COQ5: variants seen among roughly 807,000 people sequenced by gnomAD.
COQ5 encodes the protein 2-methoxy-6-polyprenyl-1,4-benzoquinol methylase, mitochondrial.
COQ5 carries 27 observed loss-of-function variants against 40.5 expected under a neutral mutation model. The ratio of observed to expected loss-of-function variants is 0.67; its 90% CI spans 0.49 to 0.92. COQ5 has a LOEUF of 0.92. Ranked by LOEUF, COQ5 falls within the 40% of genes least tolerant of loss-of-function variation. The probability of loss-of-function intolerance (pLI) is 0.00; values close to 1 mark genes in which losing one functional copy is unlikely to be tolerated. For missense variants in COQ5, 409 were observed against 406.4 expected, an observed-to-expected ratio of 1.01 and a Z score of -0.06; for synonymous variants, 141 against 150.0, an observed-to-expected ratio of 0.94 and a Z score of 0.44.
chr12:120,504,624 A>G, intron 5 of COQ5: 1 of 432,040 alleles, frequency 2.3e-6, no homozygotes, highest in Non-Finnish European at 4.3e-6. Context: ...TATTGCCACT[A>G]ATAAGTTCTG....
intron 2 of COQ5, 64 bp downstream of exon 2, chr12:120,522,144 TCATTAC>T: frequency 1.3e-6 from 2 of 1,527,102 alleles, no homozygotes; most frequent in African/African-American, 2.7e-5. Flanking sequence ...GTGAGCTAGC[TCATTAC>T]AAGAGAGACT....
rs143506842 is a variant in COQ5 at position 120,503,982 on chromosome 12, C to T, written c.870G>A (p.Arg290=). The change falls in exon 6 of 7, where the codon AGG becomes AGA. Residue 290 remains arginine (R), a synonymous_variant. Transcript: ENST00000288532. ...AGAAGTTTCATACCTGAGACGGAAACCTTCGGATACTCTCTACAAGGTACT... is the reference window on the plus strand; with the variant it reads ...AGAAGTTTCATACCTGAGACGGAAATCTTCGGATACTCTCTACAAGGTACT... The part of the protein sequence containing the change: ...SYQYLVESIR[R]FPSQEEFKDM... 1.5e-4 allele frequency: 243 copies of T among 1,612,088 alleles called. 1 individual carries two copies. The African/African-American group carries it at 2.9e-3, about 19-fold the overall frequency.
intron 3 of COQ5, among the ~76,000 whole-genome samples, chr12:120,515,954 C>G (rs1452588972): frequency 1.3e-5 from 2 of 152,064 alleles, no homozygotes; most frequent in African/African-American, 2.4e-5. Context: ...GACAGGGTCT[C>G]ACTCTGTCAC....
intron 1 of COQ5, chr12:120,523,472 TC>T: frequency 6.4e-6 from 2 of 310,820 alleles, no homozygotes; most frequent in Admixed American, 3.7e-5. Context: ...CACAGCCTGC[TC>T]CCCGCTGCTG....
At chr12:120,526,169 G>A (rs1321059593) in intron 1 of COQ5, among the ~76,000 whole-genome samples, 2 of 152,142 alleles carry the variant, frequency 1.3e-5, no homozygotes, top group Non-Finnish European at 2.9e-5. Flanking sequence ...TTCTTTCCCA[G>A]ACTTTAGGTG....
chr12:120,504,851 C>T, intron 5 of COQ5, 44 bp downstream of exon 5: 1 of 1,526,836 alleles, frequency 6.5e-7, no homozygotes, highest in Non-Finnish European at 9.1e-7. Flanking sequence ...GGGTGGGAAA[C>T]CTTGGCTATA....
rs996452294 is a variant in COQ5 at position 120,525,792 on chromosome 12, G to A, written c.202+3148C>T. ...ACAAAAAAACTAGCTGGGCGTGGTG[G>A]TGGGCGCCTGTAGTCCCAGCTACTC... On this transcript the variant is annotated intron_variant, in intron 1 of 6. Transcript: ENST00000288532. Among the ~76,000 whole-genome samples the A allele has an allele frequency of 7.2e-5, 11 of 152,056 alleles. 1 individual carries two copies. Among genetic ancestry groups the A allele is most frequent in the South Asian group, 2.1e-4 (1 of 4,812 alleles).
chr12:120,508,035 C>T (rs1308967506), intron 4 of COQ5, among the ~76,000 whole-genome samples: 3 of 152,116 alleles, frequency 2.0e-5, no homozygotes, highest in Non-Finnish European at 2.9e-5. Flanking sequence ...CTCACTCTGT[C>T]GCCCAGGCGG....
At chr12:120,518,356 G>C (rs928394808) in intron 2 of COQ5, among the ~76,000 whole-genome samples, 6 of 151,370 alleles carry the variant, frequency 4.0e-5, no homozygotes, top group Non-Finnish European at 8.8e-5. Flanking sequence ...TGAGGCCTGG[G>C]GGGTGGAGGT....
At chr12:120,521,554 T>C (rs1565933029) in intron 2 of COQ5, among the ~76,000 whole-genome samples, 1 of 151,772 alleles carries the variant, frequency 6.6e-6, no homozygotes, top group Non-Finnish European at 1.5e-5. Flanking sequence ...TGCATGCCTA[T>C]AATCCCAGCT....
intron 4 of COQ5, among the ~76,000 whole-genome samples, chr12:120,509,590 T>C (rs1289323031): frequency 6.6e-6 from 1 of 152,140 alleles, no homozygotes; most frequent in African/African-American, 2.4e-5. Context: ...AAGATGTGAA[T>C]ACCAATCCAA....
In COQ5 at chr12:120,503,696, T is replaced by A; in HGVS notation, c.*88A>T. The A allele has an allele frequency of 1.1e-6, 1 of 917,428 alleles. No homozygotes were observed. The allele number at this position is 917,428 out of a possible 1,614,324, so 56.8% of individuals were successfully genotyped here. ...GGCACGTATCCTTAAGAGGAGATGCTCTGCTGCTGTCTCATTTGCCAGATT... is the reference window on the plus strand; with the variant it reads ...GGCACGTATCCTTAAGAGGAGATGCACTGCTGCTGTCTCATTTGCCAGATT... On this transcript the variant is annotated 3_prime_UTR_variant, in exon 7 of 7. Transcript: ENST00000288532.
In COQ5 at chr12:120,516,681, CTT is replaced by C. The variant is rs772803521; in HGVS notation, c.458_459del (p.Lys153ArgfsTer5). On this transcript the variant is annotated frameshift_variant, in exon 3 of 7. Coordinates refer to ENST00000288532, the MANE Select transcript of COQ5 (RefSeq NM_032314.4). LOFTEE classifies it high-confidence loss of function. Reference sequence around the variant, plus strand: ...AAGGAATCTTCTTCATTCTGGTACTCTTTGGCAATTTCTTCCCAGGATAAATT... The same window carrying C: ...AAGGAATCTTCTTCATTCTGGTACTCTGGCAATTTCTTCCCAGGATAAATT... ...QQNLSWEEIA[K>X]EYQNEEDSLG... 6.2e-7 allele frequency: 1 copy of C among 1,614,174 alleles called. No individual in the cohort carries two copies. The highest frequency in any genetic ancestry group is 2.2e-5 in the East Asian group (1 of 44,892).
chr12:120,522,150 C>T (rs1869691861), intron 2 of COQ5, 64 bp downstream of exon 2: 2 of 1,574,032 alleles, frequency 1.3e-6, no homozygotes, highest in East Asian at 2.2e-5. Flanking sequence ...TAGCTCATTA[C>T]AAGAGAGACT....
rs61584250 is a variant in COQ5, at chr12:120,526,698, A to ATTTTTTTTTTTTTTTTT, written c.202+2225_202+2241dup. 5.3e-4 allele frequency among the ~76,000 whole-genome samples: 34 copies of ATTTTTTTTTTTTTTTTT among 64,150 alleles called. 5 individuals are homozygous for ATTTTTTTTTTTTTTTTT. Among genetic ancestry groups the ATTTTTTTTTTTTTTTTT allele is most frequent in the African/African-American group, 1.6e-3 (20 of 12,192 alleles). The allele number at this position is 64,150 out of a possible 152,430, so 42.1% of individuals were successfully genotyped here. On this transcript the variant is annotated intron_variant, in intron 1 of 6. Transcript: ENST00000288532. Reference sequence around the variant, plus strand: ...AATAGTGCTCAAACTACTCTTGGCAATTTTTTTTTTTTTTTTTTTTTTTTT... The same window carrying ATTTTTTTTTTTTTTTTT: ...AATAGTGCTCAAACTACTCTTGGCAATTTTTTTTTTTTTTTTTTTTTTTTTTTTTTTTTTTTTTTTTT...
intron 1 of COQ5, chr12:120,526,488 A>T (rs926101145): frequency 4.4e-6 from 2 of 455,536 alleles, no homozygotes; most frequent in African/African-American, 4.0e-5. Flanking sequence ...CTGTGACAAA[A>T]AGGTTGAAGA....
At position 120,516,774 on chromosome 12, in the gene COQ5, G is replaced by A. The variant is rs202246526; in HGVS notation, c.367C>T (p.Arg123Trp). The A allele has an allele frequency of 6.2e-6, 10 of 1,614,032 alleles. No individual in the cohort carries two copies. The highest frequency in any genetic ancestry group is 2.7e-5 in the African/African-American group (2 of 75,052). The change falls in exon 3 of 7, where the codon CGG (arginine) becomes TGG (tryptophan). Residue 123 changes from arginine (R) to tryptophan (W), a missense_variant. Coordinates refer to ENST00000288532, the MANE Select transcript of COQ5 (RefSeq NM_032314.4). Reference sequence around the variant, plus strand: ...TGGGACTGAACATAATTAAGGAACCGGAATGCAATGTCACCTGTGGGAAGC... The same window carrying A: ...TGGGACTGAACATAATTAAGGAACCAGAATGCAATGTCACCTGTGGGAAGC... ...VAGGTGDIAF[R>W]FLNYVQSQHQ...
At chr12:120,509,189 A>G (rs1869018392) in intron 4 of COQ5, among the ~76,000 whole-genome samples, 1 of 152,024 alleles carries the variant, frequency 6.6e-6, no homozygotes, top group Non-Finnish European at 1.5e-5. Context: ...TTTGCCTTGC[A>G]CATGGTCTTC....
At chr12:120,522,539 T>C (rs903081032) in intron 1 of COQ5, 176 bp from the exon 2 acceptor site, 3 of 647,064 alleles carry the variant, frequency 4.6e-6, no homozygotes, top group East Asian at 5.4e-5. Context: ...TATTGATTTA[T>C]TTTTTTTTCC....
Sources: allele counts gnomAD v4.1 joint callset (sites outside exome capture counted in the v4.1 genomes callset), GRCh38; gene constraint gnomAD v4.1.1; transcripts MANE v1.5; gene names NCBI Gene and HGNC (gene_info 2026-07-23, HGNC 2026-07-21).